Variants in ARSB observed in about 807,000 individuals in gnomAD.
The protein encoded by ARSB is N-acetylgalactosamine-4-sulfatase.
ARSB carries 41 observed loss-of-function variants against 50.9 expected under a neutral mutation model. The ratio of observed to expected loss-of-function variants is 0.81; its 90% CI spans 0.63 to 1.04. The LOEUF (loss-of-function observed/expected upper bound fraction) is 1.04. Ranked by LOEUF, ARSB falls within the 50% of genes least tolerant of loss-of-function variation. The pLI is 0.00. For synonymous variants in ARSB, 269 were observed against 284.8 expected, an observed-to-expected ratio of 0.94 and a Z score of 0.56; for missense variants, 672 against 693.3, an observed-to-expected ratio of 0.97 and a Z score of 0.35.
At chr5:78,938,511 T>A (rs946925530) in intron 4 of ARSB, among the ~76,000 whole-genome samples, 9 of 152,246 alleles carry the variant, frequency 5.9e-5, no homozygotes, top group Non-Finnish European at 1.0e-4. Context: ...CTCACTGATT[T>A]ATTCACATAA....
At chr5:78,982,912 A>G (rs1752971099) in intron 1 of ARSB, among the ~76,000 whole-genome samples, 1 of 152,188 alleles carries the variant, frequency 6.6e-6, no homozygotes, top group Non-Finnish European at 1.5e-5. Flanking sequence ...AACCTTTCAG[A>G]GTGCCCAGCT....
At chr5:78,964,327 C>T in intron 3 of ARSB, 89 bp downstream of exon 3, 1 of 1,298,080 alleles carries the variant, frequency 7.7e-7, no homozygotes, top group Non-Finnish European at 1.1e-6. Flanking sequence ...TAGATTTTTC[C>T]CTAAACAACA....
rs1187984984 is a variant in ARSB at position 78,833,479 on chromosome 5, GAATA to G, written c.1213+5873_1213+5876del. Among the ~76,000 whole-genome samples, 3 of 152,276 alleles carry G rather than the reference GAATA, an allele frequency of 2.0e-5. No individual in the cohort carries two copies. The South Asian group carries it at 6.2e-4, about 32-fold the overall frequency. Reference sequence around the variant, plus strand: ...ACTTCAGAACAAAGCCTTCAAAAATGAATAAAAAGTCTCCTCAAAGCACACAGGA... The same window carrying G: ...ACTTCAGAACAAAGCCTTCAAAAATGAAAAGTCTCCTCAAAGCACACAGGA... On this transcript the variant is annotated intron_variant, in intron 6 of 7. Coordinates refer to ENST00000264914, the MANE Select transcript of ARSB (RefSeq NM_000046.5).
intron 4 of ARSB, among the ~76,000 whole-genome samples, chr5:78,901,855 A>G (rs1050431565): frequency 2.6e-5 from 4 of 152,234 alleles, no homozygotes; most frequent in African/African-American, 9.6e-5. Context: ...ATTACTATAT[A>G]ACAAAAAAGA....
At chr5:78,847,745 T>C (rs898492106) in intron 5 of ARSB, among the ~76,000 whole-genome samples, 6 of 152,208 alleles carry the variant, frequency 3.9e-5, no homozygotes, top group Non-Finnish European at 8.8e-5. Flanking sequence ...TCATTACTTA[T>C]AATTGGTCTA....
chr5:78,957,974 T>C (rs962308756), intron 3 of ARSB, among the ~76,000 whole-genome samples: 1 of 148,466 alleles, frequency 6.7e-6, no homozygotes, highest in Non-Finnish European at 1.5e-5. Context: ...TTAAAAAAAA[T>C]CAGGAAATAT....
At chr5:78,853,718 T>C (rs1581045327) in intron 5 of ARSB, among the ~76,000 whole-genome samples, 2 of 152,348 alleles carry the variant, frequency 1.3e-5, no homozygotes, top group South Asian at 2.1e-4. Flanking sequence ...CCACCAAGTT[T>C]GAGCTTCCTG....
intron 4 of ARSB, among the ~76,000 whole-genome samples, chr5:78,897,130 A>G (rs1748599807): frequency 6.6e-6 from 1 of 152,174 alleles, no homozygotes; most frequent in South Asian, 2.1e-4. Flanking sequence ...CCACGCAAAA[A>G]ATACTTTGTG....
intron 4 of ARSB, among the ~76,000 whole-genome samples, chr5:78,942,845 C>T (rs1437590923): frequency 2.6e-5 from 4 of 152,158 alleles, no homozygotes; most frequent in Non-Finnish European, 5.9e-5. Context: ...TGTTAACTTT[C>T]TGTCTCATTG....
chr5:78,808,041 C>T (rs1402974480), intron 6 of ARSB, among the ~76,000 whole-genome samples: 7 of 131,268 alleles, frequency 5.3e-5, no homozygotes, highest in Non-Finnish European at 7.8e-5. Context: ...TGCAGTGAGC[C>T]GAGATCCCGC....
At chr5:78,961,667 C>T (rs1181590953) in intron 3 of ARSB, among the ~76,000 whole-genome samples, 4 of 152,120 alleles carry the variant, frequency 2.6e-5, no homozygotes, top group Non-Finnish European at 5.9e-5. Context: ...AATATTCCAT[C>T]GTTCTTCAGT....
intron 4 of ARSB, among the ~76,000 whole-genome samples, chr5:78,928,306 T>G (rs1224476508): frequency 2.3e-4 from 2 of 8,650 alleles, no homozygotes; most frequent in East Asian, 0.033. Flanking sequence ...TTGCTTTTGC[T>G]TTTTTTTTTT....
Position 78,885,755 on chromosome 5 carries a change from C to T in ARSB, c.971G>A (p.Gly324Glu). Residue 324 changes from glycine (G) to glutamate (E), a missense_variant, in exon 5 of 8, where the codon GGA (glycine) becomes GAA (glutamate). Coordinates refer to ENST00000264914, the MANE Select transcript of ARSB (RefSeq NM_000046.5). Reference sequence around the variant, plus strand: ...CACAAAGCCCACCCCTCGGACGCCTCCTTCCCACAGGCTCCATTTTCTTCC... The same window carrying T: ...CACAAAGCCCACCCCTCGGACGCCTTCTTCCCACAGGCTCCATTTTCTTCC... ...LRGRKWSLWE[G>E]GVRGVGFVAS... The T allele has an allele frequency of 6.2e-7, 1 of 1,614,128 alleles. No individual in the cohort carries two copies. The highest frequency in any genetic ancestry group is 8.5e-7 in the Non-Finnish European group (1 of 1,180,022).
chr5:78,845,240 C>G (rs979821688), intron 5 of ARSB, among the ~76,000 whole-genome samples: 2 of 152,082 alleles, frequency 1.3e-5, no homozygotes, highest in African/African-American at 4.8e-5. Flanking sequence ...AAAGAGTATT[C>G]CATTGTGTAT....
rs372049329 is a variant in ARSB, at chr5:78,900,016, G to A, written c.899-14189C>T. Among the ~76,000 whole-genome samples the A allele has an allele frequency of 4.9e-4, 74 of 152,230 alleles. No homozygotes were observed. In the Middle Eastern group the frequency reaches 0.014, roughly 28 times the overall value. ...TGCTGCCTCCTTTTCGGCTCTAGGT[G>A]GCGCTATAAGCCCAGGTTCACTTTG... On this transcript the variant is annotated intron_variant, in intron 4 of 7. Coordinates refer to ENST00000264914, the MANE Select transcript of ARSB (RefSeq NM_000046.5).
Position 78,964,490 on chromosome 5 carries a change from A to G in ARSB, c.616T>C (p.Tyr206His). The change falls in exon 3 of 8, where the codon TAT becomes CAT. Residue 206 changes from tyrosine (Y) to histidine (H), a missense_variant. Tyr to His is a moderately conservative substitution (Grantham distance 83). Coordinates refer to ENST00000264914, the MANE Select transcript of ARSB (RefSeq NM_000046.5). Reference sequence around the variant, plus strand: ...ATGTTTGTTGAATACATATTTTTATATCCTGTTGCAACTTCTTCGCCATCT... The same window carrying G: ...ATGTTTGTTGAATACATATTTTTATGTCCTGTTGCAACTTCTTCGCCATCT... ...FRDGEEVATG[Y>H]KNMYSTNIFT... 2 of 1,614,044 alleles carry G rather than the reference A, an allele frequency of 1.2e-6. No homozygotes were observed. Among genetic ancestry groups the G allele is most frequent in the Non-Finnish European group, 8.5e-7 (1 of 1,179,928 alleles).
intron 5 of ARSB, among the ~76,000 whole-genome samples, chr5:78,867,676 A>C (rs1746858938): frequency 1.3e-5 from 2 of 152,224 alleles, no homozygotes; most frequent in African/African-American, 4.8e-5. Flanking sequence ...CACCATCATC[A>C]AAGACCAAAA....
intron 4 of ARSB, among the ~76,000 whole-genome samples, chr5:78,953,747 C>A (rs1193363783): frequency 6.6e-6 from 1 of 151,950 alleles, no homozygotes. Context: ...AAAACCAAAC[C>A]ACTCTCATTA....
intron 4 of ARSB, among the ~76,000 whole-genome samples, chr5:78,949,971 G>A (rs1388678783): frequency 6.6e-6 from 1 of 152,138 alleles, no homozygotes; most frequent in Non-Finnish European, 1.5e-5. Context: ...GCATTAAGAT[G>A]TTGAGGTCAA....
Sources: gnomAD v4.1 joint callset for allele counts (sites outside exome capture counted in the v4.1 genomes callset) on GRCh38, gnomAD v4.1.1 for gene constraint, MANE v1.5 for transcripts, NCBI Gene and HGNC (gene_info 2026-07-23, HGNC 2026-07-21) for gene names.